SGSM2: variants seen among roughly 807,000 people sequenced by gnomAD.
SGSM2 encodes the protein RUN and TBC1 domain containing 1.
SGSM2 carries 89 observed loss-of-function variants against 126.6 expected under a neutral mutation model. The observed-to-expected ratio is 0.70, with a 90% confidence interval of 0.59 to 0.84. The LOEUF (loss-of-function observed/expected upper bound fraction) is 0.84, where lower values mean the gene tolerates loss of function less well. Among genes scored for constraint, SGSM2 ranks in the 40% least tolerant of loss-of-function variants. The pLI, the probability that SGSM2 is intolerant of heterozygous loss-of-function variation, is 0.00. For missense variants in SGSM2, 1,404 were observed against 1,416.6 expected (o/e 0.99, Z 0.14); for synonymous variants, 614 against 574.3 (o/e 1.07, Z -0.99).
At chr17:2,376,568 G>A (rs2066165915) in intron 19 of SGSM2, 165 bp from the exon 20 acceptor site, 3 of 799,016 alleles carry the variant, frequency 3.8e-6, no homozygotes, top group Non-Finnish European at 6.1e-6. Context: ...GGGGACCCGT[G>A]GGTTGTTCCC....
intron 12 of SGSM2, among the ~76,000 whole-genome samples, chr17:2,370,795 G>A (rs1018854504): frequency 9.2e-5 from 14 of 152,232 alleles, no homozygotes; most frequent in African/African-American, 3.4e-4. Context: ...GGGACTCCCT[G>A]GAGGGGAGCG....
intron 21 of SGSM2, chr17:2,377,650 G>A: frequency 2.1e-6 from 1 of 470,708 alleles, no homozygotes; most frequent in African/African-American, 2.0e-5. Flanking sequence ...TCAGAGAGAT[G>A]GGTGATGGGA....
chr17:2,364,610 A>G lies in SGSM2; in HGVS notation c.947A>G (p.Tyr316Cys), dbSNP rs951725278. The G allele has an allele frequency of 1.1e-5, 17 of 1,614,094 alleles. No homozygotes were observed. Among genetic ancestry groups the G allele is most frequent in the East Asian group, 6.7e-5 (3 of 44,890 alleles). Reference protein sequence around the residue: ...SELEKSVYWDYALVVPFSQVV... With the variant: ...SELEKSVYWDCALVVPFSQVV... ...TTCCTTTCTAGCGTTTACTGGGACT[A>G]TGCCCTCGTGGTGCCCTTCAGCCAG... is the stretch of plus-strand genomic sequence containing the variant. Residue 316 changes from tyrosine (Y) to cysteine (C), a missense_variant, in exon 9 of 24, where the codon TAT becomes TGT. Transcript: ENST00000268989.
At position 2,362,224 on chromosome 17, in the gene SGSM2, G is replaced by A. The variant is rs373357046; in HGVS notation, c.412G>A (p.Glu138Lys). 5.3e-5 allele frequency: 86 copies of A among 1,613,374 alleles called. No homozygotes were observed. The highest frequency in any genetic ancestry group is 6.9e-5 in the Non-Finnish European group (81 of 1,179,802). ...CGTATGGGTACGCACGGCGCTCATCGAGAAAGTTCTGGACAAGGTCGTGCA... is the reference window on the plus strand; with the variant it reads ...CGTATGGGTACGCACGGCGCTCATCAAGAAAGTTCTGGACAAGGTCGTGCA... ...KHVWVRTALI[E>K]KVLDKVVQYL... The change falls in exon 4 of 24, where the codon GAG (glutamate) becomes AAG (lysine). Residue 138 changes from glutamate (E) to lysine (K), a missense_variant. By Grantham distance (56) the Glu-to-Lys change is moderately conservative. Coordinates refer to ENST00000268989, the MANE Select transcript of SGSM2 (RefSeq NM_014853.3). The surrounding 1 kb of genome is among the most constrained non-coding windows in gnomAD (Gnocchi z 4.9).
At chr17:2,343,288 C>T (rs775871393) in intron 1 of SGSM2, among the ~76,000 whole-genome samples, 1 of 152,150 alleles carries the variant, frequency 6.6e-6, no homozygotes, top group Non-Finnish European at 1.5e-5. Flanking sequence ...CAAGGCAGGG[C>T]ACTTCCACCT....
intron 2 of SGSM2, among the ~76,000 whole-genome samples, chr17:2,353,118 G>T (rs1220479154): frequency 6.6e-6 from 1 of 152,018 alleles, no homozygotes; most frequent in Non-Finnish European, 1.5e-5. Flanking sequence ...GTTCATTTCT[G>T]TGAGCTCCTG....
Position 2,363,641 on chromosome 17 carries a change from G to C in SGSM2, c.807+42G>C. ...CTGCCATCCCTCCCCGAAGGTCCCC[G>C]AACGAGACGACTGGAAGCCTCTAGC... On this transcript the variant is annotated intron_variant, in intron 7 of 23. Coordinates refer to ENST00000268989, the MANE Select transcript of SGSM2 (RefSeq NM_014853.3). This position sits in a 1 kb window ranked among gnomAD's most constrained non-coding sequence, Gnocchi z 4.2. 1.9e-6 allele frequency: 3 copies of C among 1,603,016 alleles called. No homozygotes were observed. Among genetic ancestry groups the C allele is most frequent in the Non-Finnish European group, 2.6e-6 (3 of 1,172,706 alleles).
rs1333466148 is a variant in SGSM2 at position 2,363,503 on chromosome 17, C to G, written c.711C>G (p.Asp237Glu). 1.9e-6 allele frequency: 3 copies of G among 1,613,342 alleles called. No individual in the cohort carries two copies. Among genetic ancestry groups the G allele is most frequent in the Non-Finnish European group, 1.7e-6 (2 of 1,179,998 alleles). ...ACTCAAGCGGCAGCGCGTCGGAGGA[C>G]AGGCTGGCTGCCTGTGCCCGCGAGT... ...KRHSSGSASEDRLAACARECV... is the reference protein window; with the variant it reads ...KRHSSGSASEERLAACARECV... Residue 237 changes from aspartate to glutamate, a missense_variant, in exon 7 of 24, where the codon GAC (aspartate) becomes GAG (glutamate). By Grantham distance (45) the Asp-to-Glu change is conservative. Transcript: ENST00000268989. The surrounding 1 kb of genome is among the most constrained non-coding windows in gnomAD (Gnocchi z 4.2).
chr17:2,352,762 A>AT (rs2064909093), intron 2 of SGSM2, among the ~76,000 whole-genome samples: 2 of 83,500 alleles, frequency 2.4e-5, no homozygotes, highest in Admixed American at 1.2e-4. Context: ...CCACTGCTGC[A>AT]TTTTCTTTTT....
In SGSM2 at chr17:2,362,754, G is replaced by T; in HGVS notation, c.459-84G>T. 1 of 1,360,372 alleles carries T rather than the reference G, an allele frequency of 7.4e-7. No homozygotes were observed. Among genetic ancestry groups the T allele is most frequent in the Non-Finnish European group, 1.0e-6 (1 of 959,322 alleles). The allele number at this position is 1,360,372 out of a possible 1,614,324, so 84.3% of individuals were successfully genotyped here. A position where few individuals can be genotyped will look rare whatever the true frequency, so the allele number is the denominator to read the frequency against. ...GATGACTGATCTGAATCTGGTCTTT[G>T]TGGGGATGTCCCTACCTGGTGAGCT... On this transcript the variant is annotated intron_variant, in intron 4 of 23. Coordinates refer to ENST00000268989, the MANE Select transcript of SGSM2 (RefSeq NM_014853.3). The surrounding 1 kb of genome is among the most constrained non-coding windows in gnomAD (Gnocchi z 4.9).
Position 2,365,353 on chromosome 17 carries a change from G to A in SGSM2, c.1288+12G>A, listed in dbSNP as rs769529103. The A allele has an allele frequency of 1.8e-5, 27 of 1,532,128 alleles. No individual in the cohort carries two copies. Among genetic ancestry groups the A allele is most frequent in the African/African-American group, 2.8e-5 (2 of 72,712 alleles). 94.9% of individuals were successfully genotyped at this position (1,532,128 alleles called of 1,614,324 possible). On this transcript the variant is annotated intron_variant, in intron 11 of 23. Transcript: ENST00000268989. ...CAGGCACGAGCACAGTGAGTGTCCC[G>A]AGCTTCATCCCGGGGGAGGAGAGGA...
At chr17:2,370,386 G>A (rs891124344) in intron 12 of SGSM2, among the ~76,000 whole-genome samples, 4 of 152,234 alleles carry the variant, frequency 2.6e-5, no homozygotes, top group African/African-American at 7.2e-5. Flanking sequence ...GATTCAGACC[G>A]CCTGGGCTGG....
At chr17:2,364,825 T>A in intron 9 of SGSM2, 72 bp from the exon 10 acceptor site, 1 of 1,584,432 alleles carries the variant, frequency 6.3e-7, no homozygotes, top group East Asian at 2.2e-5. Flanking sequence ...CTACCCAGCC[T>A]GGGGGCACTG....
Position 2,372,626 on chromosome 17 carries a change from A to G in SGSM2, c.1788+138A>G. 3 of 1,252,370 alleles carry G rather than the reference A, an allele frequency of 2.4e-6. No homozygotes were observed. Among genetic ancestry groups the G allele is most frequent in the Non-Finnish European group, 3.3e-6 (3 of 899,504 alleles). The allele number at this position is 1,252,370 out of a possible 1,614,324, so 77.6% of individuals were successfully genotyped here. A position where few individuals can be genotyped will look rare whatever the true frequency, so the allele number is the denominator to read the frequency against. On this transcript the variant is annotated intron_variant, in intron 15 of 23. Transcript: ENST00000268989. This position sits in a 1 kb window ranked among gnomAD's most constrained non-coding sequence, Gnocchi z 6.0. ...ACGGAGTGACCAGGGTCCCGGCAGA[A>G]TCTCTTGCAGCTGGGCCTGGGGCTG...
At position 2,356,972 on chromosome 17, in the gene SGSM2, G is replaced by A. The variant is rs964839150; in HGVS notation, c.134-4665G>A. Among the ~76,000 whole-genome samples the A allele has an allele frequency of 2.7e-5, 4 of 149,826 alleles. 2 individuals are homozygous for A. The highest frequency in any genetic ancestry group is 4.9e-5 in the African/African-American group (2 of 40,826). On this transcript the variant is annotated intron_variant, in intron 2 of 23. Transcript: ENST00000268989. The stretch of plus-strand genomic sequence containing the variant: ...TAGAATGGTGGAATTGGGGTGTAAG[G>A]GTTAGGGAAGGGACCCCATATCTTA...
chr17:2,359,070 G>A (rs1260187104), intron 2 of SGSM2, among the ~76,000 whole-genome samples: 1 of 151,886 alleles, frequency 6.6e-6, no homozygotes, highest in African/African-American at 2.4e-5. Context: ...GTAGAGATGG[G>A]ATTTCACCGT....
In SGSM2 at chr17:2,358,060, C is replaced by T. The variant is rs150466638; in HGVS notation, c.134-3577C>T. ...TCAGCAGGCAGGTAGGTTCAGCTAA[C>T]CTGGTGCTTTAGCCCTGCAAGTATC... On this transcript the variant is annotated intron_variant, in intron 2 of 23. Coordinates refer to ENST00000268989, the MANE Select transcript of SGSM2 (RefSeq NM_014853.3). 4.4e-3 allele frequency among the ~76,000 whole-genome samples: 666 copies of T among 152,318 alleles called. 1 individual carries two copies. Among genetic ancestry groups the T allele is most frequent in the African/African-American group, 0.015 (632 of 41,560 alleles).
Position 2,380,054 on chromosome 17 carries a change from C to G in SGSM2, c.*534C>G, listed in dbSNP as rs1233439263. ...GTCACGGGTGCGGGAGACCCGGGCA[C>G]GGGAGACCCGGGCCGCCTTCAGGCC... On this transcript the variant is annotated 3_prime_UTR_variant, in exon 24 of 24. Transcript: ENST00000268989. 3.6e-6 allele frequency: 5 copies of G among 1,404,970 alleles called. No individual in the cohort carries two copies. Among genetic ancestry groups the G allele is most frequent in the Non-Finnish European group, 4.6e-6 (5 of 1,086,762 alleles). The allele number at this position is 1,404,970 out of a possible 1,614,324, so 87.0% of individuals were successfully genotyped here.
At position 2,379,213 on chromosome 17, in the gene SGSM2, G is replaced by A; in HGVS notation, c.3067+10G>A. 1 of 1,613,894 alleles carries A rather than the reference G, an allele frequency of 6.2e-7. No homozygotes were observed. Among genetic ancestry groups the A allele is most frequent in the Non-Finnish European group, 8.5e-7 (1 of 1,179,820 alleles). ...ATCAAGTTTTTCAATGGTACGAGCT[G>A]GTCCAGCCATCCAGGCTGCCCTGAG... On this transcript the variant is annotated intron_variant, in intron 23 of 23. Coordinates refer to ENST00000268989, the MANE Select transcript of SGSM2 (RefSeq NM_014853.3).
Sources: gnomAD v4.1 joint callset for allele counts (sites outside exome capture counted in the v4.1 genomes callset) on GRCh38, gnomAD v4.1.1 for gene constraint, Gnocchi (gnomAD v3.1) non-coding constraint, MANE v1.5 for transcripts, NCBI Gene and HGNC (gene_info 2026-07-23, HGNC 2026-07-21) for gene names.